HCRTR2: variants seen among roughly 807,000 people sequenced by gnomAD.
HCRTR2 encodes the protein hypocretin receptor 2, also known as orexin receptor type 2.
Under a neutral mutation model 49.0 loss-of-function variants are expected in HCRTR2, and 22 were observed. That is an observed-to-expected ratio of 0.45 (90% confidence interval 0.32 to 0.64). HCRTR2 has a LOEUF of 0.64. Among genes scored for constraint, HCRTR2 ranks in the 30% least tolerant of loss-of-function variants. HCRTR2 has a pLI of 0.04. For missense variants in HCRTR2, 491 were observed against 559.4 expected (o/e 0.88, Z 1.23); for synonymous variants, 236 against 205.3 (o/e 1.15, Z -1.28).
intron 3 of HCRTR2, among the ~76,000 whole-genome samples, chr6:55,262,712 G>C (rs1447938316): frequency 7.1e-6 from 1 of 140,756 alleles, no homozygotes; most frequent in Admixed American, 7.5e-5. Flanking sequence ...ATTTATTTAT[G>C]TATTTATGTA....
At chr6:55,179,864 A>G (rs1765101674) in intron 1 of HCRTR2, among the ~76,000 whole-genome samples, 1 of 152,192 alleles carries the variant, frequency 6.6e-6, no homozygotes, top group African/African-American at 2.4e-5. Flanking sequence ...CAAAGTCTCC[A>G]TATTCTCACT....
At chr6:55,147,326 A>G (rs1329927089) in intron 1 of HCRTR2, among the ~76,000 whole-genome samples, 1 of 152,182 alleles carries the variant, frequency 6.6e-6, no homozygotes, top group East Asian at 1.9e-4. Context: ...CTTTCTAGTG[A>G]ATGTACAAGG....
intron 1 of HCRTR2, among the ~76,000 whole-genome samples, chr6:55,193,214 C>T (rs1165411964): frequency 6.6e-6 from 1 of 152,154 alleles, no homozygotes; most frequent in Non-Finnish European, 1.5e-5. Flanking sequence ...AAGGACATGA[C>T]AGCATCATGG....
intron 1 of HCRTR2, among the ~76,000 whole-genome samples, chr6:55,119,998 G>C (rs910498390): frequency 1.3e-5 from 2 of 152,100 alleles, no homozygotes; most frequent in Non-Finnish European, 2.9e-5. Context: ...TGGCTAGCCA[G>C]TTTTCCCAAC....
upstream of HCRTR2, among the ~76,000 whole-genome samples, chr6:55,170,348 A>G (rs1336470351): frequency 6.7e-6 from 1 of 149,846 alleles, no homozygotes; most frequent in African/African-American, 2.4e-5. Context: ...GTATATATTT[A>G]TAGGGTACAT....
chr6:55,246,854 TAAAG>T (rs945369629), intron 1 of HCRTR2, among the ~76,000 whole-genome samples: 2 of 152,078 alleles, frequency 1.3e-5, no homozygotes, highest in South Asian at 2.1e-4. Flanking sequence ...TAGTAATGAC[TAAAG>T]AAAGAAGTGC....
chr6:55,142,203 T>C (rs964240959), intron 1 of HCRTR2, among the ~76,000 whole-genome samples: 2 of 150,362 alleles, frequency 1.3e-5, no homozygotes, highest in Admixed American at 6.6e-5. Flanking sequence ...AAAAAAAAAT[T>C]TTTTTTTTTT....
At chr6:55,178,278 T>A (rs1412301164) in intron 1 of HCRTR2, among the ~76,000 whole-genome samples, 1 of 152,106 alleles carries the variant, frequency 6.6e-6, no homozygotes, top group African/African-American at 2.4e-5. Flanking sequence ...AGATATCATA[T>A]GTTTCATCTG....
intron 1 of HCRTR2, among the ~76,000 whole-genome samples, chr6:55,248,107 A>G (rs2127311607): frequency 1.3e-5 from 2 of 152,252 alleles, no homozygotes; most frequent in South Asian, 4.1e-4. Flanking sequence ...ATTAAACAAC[A>G]TAAGTATATG....
At chr6:55,184,589 TCAATGAAGATGCTA>T (rs1253987945) in intron 1 of HCRTR2, among the ~76,000 whole-genome samples, 1 of 152,192 alleles carries the variant, frequency 6.6e-6, no homozygotes, top group African/African-American at 2.4e-5. Context: ...ATTCAAACAA[TCAATGAAGATGCTA>T]CATTGACCCC....
intron 1 of HCRTR2, among the ~76,000 whole-genome samples, chr6:55,164,758 G>T (rs1275453215): frequency 6.7e-6 from 1 of 148,904 alleles, no homozygotes; most frequent in African/African-American, 2.5e-5. Context: ...ATGTATCCCA[G>T]AACTTAAAGT....
intron 1 of HCRTR2, among the ~76,000 whole-genome samples, chr6:55,115,499 T>A (rs1416076774): frequency 1.3e-5 from 2 of 151,226 alleles, no homozygotes; most frequent in Non-Finnish European, 3.0e-5. Context: ...TGTGTGTGTG[T>A]GTGTGTGTGT....
chr6:55,202,075 A>T (rs1223837938), intron 1 of HCRTR2, among the ~76,000 whole-genome samples: 8 of 152,210 alleles, frequency 5.3e-5, no homozygotes, highest in Non-Finnish European at 1.2e-4. Flanking sequence ...GTTCAAGGTT[A>T]TAAGAGAGCT....
chr6:55,203,073 G>T (rs114548951), intron 1 of HCRTR2, among the ~76,000 whole-genome samples: 1 of 152,042 alleles, frequency 6.6e-6, no homozygotes, highest in Non-Finnish European at 1.5e-5. Context: ...CAGTTTTACC[G>T]TTACATCAAA....
rs1331225782 is a variant in HCRTR2 at position 55,163,263 on chromosome 6, A to AAC, written c.-377-10947_-377-10946insCA. On this transcript the variant is annotated intron_variant, in intron 1 of 7. Coordinates refer to the HCRTR2 transcript ENST00000615358. ...AAAAACAAACAAACAAACAACAAAA[A>AAC]AAAAAAAACTACCTTAAATTTCTTA... Among the ~76,000 whole-genome samples, 384 of 151,250 alleles carry AAC rather than the reference A, an allele frequency of 2.5e-3. 1 individual carries two copies. Among genetic ancestry groups the AAC allele is most frequent in the African/African-American group, 8.7e-3 (360 of 41,214 alleles).
intron 1 of HCRTR2, among the ~76,000 whole-genome samples, chr6:55,196,114 A>G (rs1765405191): frequency 6.6e-6 from 1 of 152,180 alleles, no homozygotes. Flanking sequence ...CTTGTCGATC[A>G]TTGTTGTTTC....
At chr6:55,149,728 A>G (rs1271789788) in intron 1 of HCRTR2, among the ~76,000 whole-genome samples, 1 of 152,086 alleles carries the variant, frequency 6.6e-6, no homozygotes, top group Admixed American at 6.6e-5. Context: ...ACGTAGTTTG[A>G]GGGGGTATTC....
At chr6:55,175,363 G>A (rs772080845) in intron 1 of HCRTR2, among the ~76,000 whole-genome samples, 1 of 152,096 alleles carries the variant, frequency 6.6e-6, no homozygotes, top group African/African-American at 2.4e-5. Flanking sequence ...GAGTGGAGAC[G>A]GAGGCAAAGC....
chr6:55,248,982 C>T (rs530237802), intron 2 of HCRTR2, among the ~76,000 whole-genome samples, 165 bp downstream of exon 2: 3 of 152,162 alleles, frequency 2.0e-5, no homozygotes, highest in Admixed American at 6.6e-5. Flanking sequence ...AAGTTAAGTT[C>T]TGGGTAAAAA....
Sources: allele counts gnomAD v4.1 joint callset (sites outside exome capture counted in the v4.1 genomes callset), GRCh38; gene constraint gnomAD v4.1.1; transcripts MANE v1.5; gene names NCBI Gene and HGNC (gene_info 2026-07-23, HGNC 2026-07-21).